The following MTAP variants were observed in gnomAD, a reference collection of about 807,000 sequenced individuals.
The protein encoded by MTAP is methylthioadenosine phosphorylase, also known as S-methyl-5'-thioadenosine phosphorylase.
Under a neutral mutation model 33.6 loss-of-function variants are expected in MTAP, and 33 were observed. The ratio of observed to expected loss-of-function variants is 0.98; its 90% CI spans 0.74 to 1.31. The LOEUF (loss-of-function observed/expected upper bound fraction) is 1.31. Ranked by LOEUF, MTAP falls within the 40% of genes most tolerant of loss-of-function variation. MTAP has a pLI of 0.00. For missense variants in MTAP, 367 were observed against 360.0 expected, an observed-to-expected ratio of 1.02 and a Z score of -0.16; for synonymous variants, 148 against 125.7, an observed-to-expected ratio of 1.18 and a Z score of -1.19.
intron 1 of MTAP, chr9:21,930,121 C>G (rs1243911781): frequency 2.2e-6 from 1 of 462,690 alleles, no homozygotes; most frequent in Admixed American, 2.3e-5. Context: ...CCAACCTCAG[C>G]TCCACAGCAG....
chr9:21,870,078 C>G (rs1293889335), downstream of MTAP, among the ~76,000 whole-genome samples: 1 of 152,170 alleles, frequency 6.6e-6, no homozygotes, highest in Non-Finnish European at 1.5e-5. Context: ...CTGGAACACT[C>G]TCCCAGCAGA....
At chr9:21,889,664 T>G (rs1818167947) in intron 1 of MTAP, among the ~76,000 whole-genome samples, 1 of 152,082 alleles carries the variant, frequency 6.6e-6, no homozygotes, top group South Asian at 2.1e-4. Flanking sequence ...TTATTGTTCT[T>G]CTGGGTCTAG....
intron 1 of MTAP, among the ~76,000 whole-genome samples, chr9:21,880,016 G>A (rs963707168): frequency 1.2e-4 from 18 of 152,112 alleles, no homozygotes; most frequent in African/African-American, 4.1e-4. Context: ...GTGTCTTCAC[G>A]ATGATCTTTT....
Position 21,865,930 on chromosome 9 carries a change from C to T in MTAP, c.*3916C>T, listed in dbSNP as rs80226037. The T allele has an allele frequency of 0.03, 13,083 of 432,210 alleles. 273 individuals are homozygous for T. The highest frequency in any genetic ancestry group is 0.034 in the Non-Finnish European group (11,154 of 324,032). 26.8% of individuals were successfully genotyped at this position (432,210 alleles called of 1,614,324 possible). A position where few individuals can be genotyped will look rare whatever the true frequency, so the allele number is the denominator to read the frequency against. On this transcript the variant is annotated 3_prime_UTR_variant, in exon 8 of 8. Transcript: ENST00000644715. ...TGTTGATGAATGTTTGAATTTTTTCCATTTGAGGAATTTTATGAATAAAGC... is the reference window on the plus strand; with the variant it reads ...TGTTGATGAATGTTTGAATTTTTTCTATTTGAGGAATTTTATGAATAAAGC...
chr9:21,864,107 A>G lies in MTAP; in HGVS notation c.*2093A>G, dbSNP rs747684514. ...AGAATGTCAGGGCAAAAGTATGGGC[A>G]TTTTTCTTGCTATGTTCAGAAAGTA... On this transcript the variant is annotated 3_prime_UTR_variant, in exon 8 of 8. Coordinates refer to ENST00000644715, the MANE Select transcript of MTAP (RefSeq NM_002451.4). 3.0e-6 allele frequency: 3 copies of G among 985,220 alleles called. No homozygotes were observed. Among genetic ancestry groups the G allele is most frequent in the Non-Finnish European group, 3.6e-6 (3 of 829,930 alleles). 61.0% of individuals were successfully genotyped at this position (985,220 alleles called of 1,614,324 possible).
intron 5 of MTAP, among the ~76,000 whole-genome samples, chr9:21,851,512 G>A (rs758952209): frequency 1.3e-5 from 2 of 152,154 alleles, no homozygotes; most frequent in Non-Finnish European, 2.9e-5. Context: ...ATTTCCAGTT[G>A]CACAAAGGAT....
At chr9:21,904,001 G>A (rs1181607757) in intron 1 of MTAP, among the ~76,000 whole-genome samples, 1 of 152,196 alleles carries the variant, frequency 6.6e-6, no homozygotes, top group African/African-American at 2.4e-5. Flanking sequence ...ATTAGTGCAA[G>A]GTTTTATTAA....
At chr9:21,815,894 A>G (rs975530087) in intron 2 of MTAP, among the ~76,000 whole-genome samples, 1 of 152,228 alleles carries the variant, frequency 6.6e-6, no homozygotes, top group Non-Finnish European at 1.5e-5. Flanking sequence ...CAGGCTGATG[A>G]CTAATAGGAT....
At chr9:21,925,462 G>A (rs1818854061) in intron 1 of MTAP, among the ~76,000 whole-genome samples, 1 of 152,214 alleles carries the variant, frequency 6.6e-6, no homozygotes, top group African/African-American at 2.4e-5. Context: ...AAAGGGCTCA[G>A]GGAAAGAAGA....
chr9:21,858,115 G>A (rs1825677525), intron 6 of MTAP, among the ~76,000 whole-genome samples: 1 of 152,138 alleles, frequency 6.6e-6, no homozygotes, highest in South Asian at 2.1e-4. Context: ...AAAAATGGTG[G>A]TATTTTAATT....
chr9:21,907,984 G>GA (rs1321106519), intron 1 of MTAP, among the ~76,000 whole-genome samples: 1 of 150,846 alleles, frequency 6.6e-6, no homozygotes, highest in Non-Finnish European at 1.5e-5. Flanking sequence ...GGCTGTCACA[G>GA]AAAAAAAAGG....
intron 1 of MTAP, among the ~76,000 whole-genome samples, chr9:21,896,157 G>A (rs903173761): frequency 6.6e-6 from 1 of 152,202 alleles, no homozygotes; most frequent in African/African-American, 2.4e-5. Context: ...GCTCCTGAAT[G>A]ACTATTGGGT....
intron 5 of MTAP, among the ~76,000 whole-genome samples, chr9:21,853,807 A>G (rs1825571910): frequency 6.6e-6 from 1 of 152,248 alleles, no homozygotes; most frequent in South Asian, 2.1e-4. Flanking sequence ...ACACTTGAGA[A>G]AACTAAGGCA....
intron 1 of MTAP, among the ~76,000 whole-genome samples, chr9:21,924,469 T>C (rs942186737): frequency 2.0e-5 from 3 of 152,216 alleles, no homozygotes; most frequent in African/African-American, 2.4e-5. Context: ...ATCAGCTAGA[T>C]CTGTTTTGCC....
chr9:21,940,181 G>A (rs1367722073), downstream of MTAP, among the ~76,000 whole-genome samples: 1 of 152,214 alleles, frequency 6.6e-6, no homozygotes, highest in Non-Finnish European at 1.5e-5. Flanking sequence ...TGCAGATGAA[G>A]TCTGATGACA....
At chr9:21,836,303 A>G (rs1392649210) in intron 4 of MTAP, among the ~76,000 whole-genome samples, 1 of 152,220 alleles carries the variant, frequency 6.6e-6, no homozygotes, top group Non-Finnish European at 1.5e-5. Context: ...ACTGTAGTTA[A>G]TAATTATCAG....
chr9:21,891,920 A>G (rs1818207188), intron 1 of MTAP, among the ~76,000 whole-genome samples: 1 of 152,222 alleles, frequency 6.6e-6, no homozygotes, highest in Non-Finnish European at 1.5e-5. Context: ...CAGGCTAACA[A>G]TGGACCTTTC....
intron 1 of MTAP, among the ~76,000 whole-genome samples, chr9:21,872,525 G>C (rs1167250619): frequency 6.6e-6 from 1 of 152,110 alleles, no homozygotes; most frequent in East Asian, 1.9e-4. Context: ...TCTGTCTACA[G>C]ATATACACTG....
intron 1 of MTAP, among the ~76,000 whole-genome samples, chr9:21,899,666 G>A (rs192602911): frequency 1.1e-3 from 162 of 152,232 alleles, no homozygotes; most frequent in African/African-American, 3.8e-3. Context: ...CAGATCTTGT[G>A]AGACTCACTC....
Sources: allele counts gnomAD v4.1 joint callset (sites outside exome capture counted in the v4.1 genomes callset), GRCh38; gene constraint gnomAD v4.1.1; transcripts MANE v1.5; gene names NCBI Gene and HGNC (gene_info 2026-07-23, HGNC 2026-07-21).